The following DPF3 variants were observed in gnomAD, a reference collection of about 807,000 sequenced individuals.
DPF3 encodes double PHD fingers 3.
DPF3 carries 18 observed loss-of-function variants against 56.8 expected under a neutral mutation model. The observed-to-expected ratio is 0.32, with a 90% CI of 0.22 to 0.47. The LOEUF is 0.47. Ranked by LOEUF, DPF3 falls within the 20% of genes least tolerant of loss-of-function variation. The probability of loss-of-function intolerance (pLI) is 1.00; values close to 1 mark genes in which losing one functional copy is unlikely to be tolerated. For missense variants in DPF3, 403 were observed against 488.8 expected, an observed-to-expected ratio of 0.82 and a Z score of 1.65; for synonymous variants, 188 against 180.2, an observed-to-expected ratio of 1.04 and a Z score of -0.35.
At chr14:72,777,341 C>G (rs996520678) in intron 1 of DPF3, among the ~76,000 whole-genome samples, 1 of 152,238 alleles carries the variant, frequency 6.6e-6, no homozygotes, top group African/African-American at 2.4e-5. Context: ...GAATAACTGG[C>G]ACACAGGGGG....
intron 3 of DPF3, among the ~76,000 whole-genome samples, chr14:72,737,335 G>A (rs998658921): frequency 1.3e-5 from 2 of 152,010 alleles, no homozygotes; most frequent in Non-Finnish European, 2.9e-5. Flanking sequence ...TGACACAGGT[G>A]CCCCAAGCCT....
At chr14:72,777,615 C>T (rs1891796331) in intron 1 of DPF3, among the ~76,000 whole-genome samples, 2 of 152,136 alleles carry the variant, frequency 1.3e-5, no homozygotes, top group Admixed American at 1.3e-4. Context: ...GGGGGTGGGG[C>T]CTAGTGGGAG....
chr14:72,635,138 CT>C (rs1407495736), intron 8 of DPF3, among the ~76,000 whole-genome samples: 1 of 152,164 alleles, frequency 6.6e-6, no homozygotes, highest in Non-Finnish European at 1.5e-5. Context: ...CCCATGGCCA[CT>C]ATGTATGGGA....
chr14:72,754,010 C>CAA (rs1160436020), intron 2 of DPF3, among the ~76,000 whole-genome samples: 2 of 139,734 alleles, frequency 1.4e-5, no homozygotes, highest in Non-Finnish European at 3.1e-5. Flanking sequence ...CTGGGCCTTA[C>CAA]AAAAAAAAAA....
chr14:72,884,191 C>G (rs1258387152), intron 1 of DPF3, among the ~76,000 whole-genome samples: 1 of 151,988 alleles, frequency 6.6e-6, no homozygotes, highest in Non-Finnish European at 1.5e-5. Context: ...GGGCTATGAC[C>G]GGAAATGAAA....
At chr14:72,669,870 G>GA (rs1886592955) in intron 8 of DPF3, 1 of 984,516 alleles carries the variant, frequency 1.0e-6, no homozygotes, top group Non-Finnish European at 1.2e-6. Context: ...CAAGCTGGGG[G>GA]AAAAAGGAAA....
intron 9 of DPF3, 47 bp downstream of exon 9, chr14:72,629,577 C>G: frequency 2.7e-6 from 4 of 1,499,398 alleles, no homozygotes; most frequent in Non-Finnish European, 3.6e-6. Context: ...TCAAAGGACC[C>G]CAGCTCTGTG....
chr14:72,761,181 A>G (rs1236320325), intron 2 of DPF3, among the ~76,000 whole-genome samples: 1 of 152,152 alleles, frequency 6.6e-6, no homozygotes, highest in Non-Finnish European at 1.5e-5. Context: ...TAAATAGAAA[A>G]TAAGGATGTA....
chr14:72,621,585 G>A (rs1295465403), intron 9 of DPF3, among the ~76,000 whole-genome samples: 2 of 152,176 alleles, frequency 1.3e-5, no homozygotes, highest in Admixed American at 6.5e-5. Context: ...CAACAGGGGA[G>A]TGATACGATC....
At chr14:72,847,952 T>C (rs1884826154) in intron 1 of DPF3, among the ~76,000 whole-genome samples, 1 of 152,064 alleles carries the variant, frequency 6.6e-6, no homozygotes, top group Non-Finnish European at 1.5e-5. Context: ...GGGATATGAG[T>C]GGAAGCTCCT....
chr14:72,882,800 C>G (rs8004767), intron 1 of DPF3, among the ~76,000 whole-genome samples: 19,111 of 152,126 alleles, frequency 0.13, 1,295 homozygotes, highest in East Asian at 0.15. Context: ...GTTGCCGCCC[C>G]TCTCCCCACT....
intron 9 of DPF3, 43 bp downstream of exon 9, chr14:72,629,581 C>T (rs1252058620): frequency 2.7e-6 from 4 of 1,505,056 alleles, no homozygotes; most frequent in South Asian, 1.2e-5. Flanking sequence ...AGGACCCCAG[C>T]TCTGTGGATT....
At chr14:72,680,641 CATTTATGGATGGGGCTG>C (rs1415233228) in intron 7 of DPF3, among the ~76,000 whole-genome samples, 1 of 152,246 alleles carries the variant, frequency 6.6e-6, no homozygotes, top group Non-Finnish European at 1.5e-5. Context: ...TGAGTCCTCA[CATTTATGGATGGGGCTG>C]ATAAACTGTC....
chr14:72,746,276 A>G (rs1890320330), intron 3 of DPF3, among the ~76,000 whole-genome samples: 1 of 152,210 alleles, frequency 6.6e-6, no homozygotes, highest in Non-Finnish European at 1.5e-5. Flanking sequence ...CATTCTCTAG[A>G]TGGGCCCTGG....
intron 1 of DPF3, among the ~76,000 whole-genome samples, chr14:72,882,143 C>G (rs1886349726): frequency 6.6e-6 from 1 of 152,026 alleles, no homozygotes; most frequent in Admixed American, 6.6e-5. Flanking sequence ...TCTGAGGGAC[C>G]AGGGAAGGCA....
intron 1 of DPF3, among the ~76,000 whole-genome samples, chr14:72,784,427 T>G (rs552487630): frequency 2.0e-4 from 31 of 152,212 alleles, no homozygotes; most frequent in African/African-American, 7.2e-4. Flanking sequence ...TACCAAAACC[T>G]CTGTACTGCC....
intron 1 of DPF3, chr14:72,806,958 C>T (rs1326561721): frequency 6.6e-6 from 1 of 152,220 alleles, no homozygotes; most frequent in African/African-American, 2.4e-5. Flanking sequence ...ATCTCTGCCC[C>T]CTCCATTCCC....
At chr14:72,767,746 A>T (rs373673003) in intron 2 of DPF3, among the ~76,000 whole-genome samples, 42 of 100,632 alleles carry the variant, frequency 4.2e-4, no homozygotes, top group African/African-American at 1.4e-3. Context: ...TGGCTGAAAA[A>T]TTCCCAAATT....
At chr14:72,861,439 G>A (rs2140097584) in intron 1 of DPF3, among the ~76,000 whole-genome samples, 1 of 152,214 alleles carries the variant, frequency 6.6e-6, no homozygotes, top group African/African-American at 2.4e-5. Context: ...AATATGTTGA[G>A]TATGTTTCTC....
Sources: gnomAD v4.1 joint callset for allele counts (sites outside exome capture counted in the v4.1 genomes callset) on GRCh38, gnomAD v4.1.1 for gene constraint, MANE v1.5 for transcripts, NCBI Gene and HGNC (gene_info 2026-07-23, HGNC 2026-07-21) for gene names.